Variants in SMIM21 observed in about 807,000 individuals in gnomAD.
The protein encoded by SMIM21 is chromosome 18 open reading frame 62.
A neutral mutation model predicts 8.6 loss-of-function variants in SMIM21; 8 were observed. The observed-to-expected ratio is 0.93, with a 90% confidence interval of 0.55 to 1.68. The LOEUF is 1.68. SMIM21 is among the 40% of genes most tolerant of loss of function. SMIM21 has a pLI of 0.00. For synonymous variants in SMIM21, 43 were observed against 41.7 expected (o/e 1.03, Z -0.12); for missense variants, 132 against 123.0 (o/e 1.07, Z -0.35).
intron 2 of SMIM21, among the ~76,000 whole-genome samples, chr18:75,413,118 G>A (rs990401066): frequency 5.3e-5 from 8 of 151,996 alleles, no homozygotes; most frequent in African/African-American, 1.2e-4. Flanking sequence ...ATGCTCCTGG[G>A]CCCCCCTACC....
chr18:75,416,574 ATCTTT>A (rs2024647631), intron 2 of SMIM21: 1 of 152,140 alleles, frequency 6.6e-6, no homozygotes, highest in Non-Finnish European at 1.5e-5. Flanking sequence ...ATGTTCCTCC[ATCTTT>A]TCTTCCAGTA....
intron 1 of SMIM21, among the ~76,000 whole-genome samples, chr18:75,420,798 A>T (rs1477684893): frequency 6.6e-6 from 1 of 152,160 alleles, no homozygotes; most frequent in African/African-American, 2.4e-5. Flanking sequence ...AAATATTGGG[A>T]GCTTTCCTGG....
In SMIM21 at chr18:75,418,894, C is replaced by T. The variant is rs375362339; in HGVS notation, c.152G>A (p.Arg51His). The change falls in exon 2 of 3, where the codon CGT becomes CAT. Residue 51 changes from arginine to histidine, a missense_variant. Transcript: ENST00000579022. ...GAAAAGAACCAACAATGTGAAGAAA[C>T]GAATATGGTGTTCATTTTCAAACTG... ...LTTFENEHHIRFFTLLVLFHV... is the reference protein window; with the variant it reads ...LTTFENEHHIHFFTLLVLFHV... 1.4e-5 allele frequency: 22 copies of T among 1,600,816 alleles called. No homozygotes were observed. The highest frequency in any genetic ancestry group is 3.3e-4 in the Middle Eastern group (2 of 6,060).
chr18:75,425,704 C>A (rs1237761465), intron 1 of SMIM21, among the ~76,000 whole-genome samples: 2 of 152,200 alleles, frequency 1.3e-5, no homozygotes, highest in East Asian at 3.8e-4. Flanking sequence ...GGGTAGGAAG[C>A]AGTGGATGAA....
intron 1 of SMIM21, among the ~76,000 whole-genome samples, chr18:75,420,707 G>A (rs1027202722): frequency 1.3e-5 from 2 of 152,264 alleles, no homozygotes; most frequent in African/African-American, 2.4e-5. Context: ...CTTGTCCTAC[G>A]TTTGAAGCCA....
At chr18:75,416,114 A>G (rs993646293) in intron 2 of SMIM21, 4 of 152,238 alleles carry the variant, frequency 2.6e-5, no homozygotes, top group African/African-American at 9.6e-5. Flanking sequence ...GATAATTCCA[A>G]ATTGCCCCCA....
chr18:75,410,404 G>T lies in SMIM21; in HGVS notation c.*460C>A. On this transcript the variant is annotated 3_prime_UTR_variant, in exon 3 of 3. Coordinates refer to ENST00000579022, the MANE Select transcript of SMIM21 (RefSeq NM_001037331.3). ...TCAGGATGACTTTGACAGGTTGTTA[G>T]CAACTATATGATATACAGAACATCA... 1 of 155,286 alleles carries T rather than the reference G, an allele frequency of 6.4e-6. No homozygotes were observed. Among genetic ancestry groups the T allele is most frequent in the Non-Finnish European group, 1.4e-5 (1 of 69,916 alleles). 9.6% of individuals were successfully genotyped at this position (155,286 alleles called of 1,614,324 possible).
chr18:75,424,273 G>A (rs1037915264), intron 1 of SMIM21, among the ~76,000 whole-genome samples: 6 of 152,128 alleles, frequency 3.9e-5, no homozygotes, highest in Admixed American at 2.6e-4. Context: ...GGGTGTCCAC[G>A]TCAGGACGAA....
chr18:75,426,610 T>C (rs928559832), intron 1 of SMIM21, among the ~76,000 whole-genome samples: 84 of 115,008 alleles, frequency 7.3e-4, no homozygotes, highest in African/African-American at 2.6e-3. Context: ...CACCCGGCCC[T>C]AGACCATTAC....
intron 1 of SMIM21, among the ~76,000 whole-genome samples, chr18:75,422,451 T>C (rs1056786804): frequency 2.0e-5 from 3 of 152,284 alleles, no homozygotes; most frequent in East Asian, 3.9e-4. Flanking sequence ...ACATAGCAGT[T>C]CTGGTCATAG....
intron 2 of SMIM21, among the ~76,000 whole-genome samples, chr18:75,415,349 G>A (rs1044927007): frequency 6.6e-6 from 1 of 152,218 alleles, no homozygotes; most frequent in Non-Finnish European, 1.5e-5. Flanking sequence ...ATGGGTGAGA[G>A]CTTGCAGAGC....
At chr18:75,426,917 A>G (rs2024770791) in intron 1 of SMIM21, among the ~76,000 whole-genome samples, 1 of 152,234 alleles carries the variant, frequency 6.6e-6, no homozygotes, top group Non-Finnish European at 1.5e-5. Context: ...TGGGGTGTCT[A>G]TAAATGCCAT....
intron 1 of SMIM21, among the ~76,000 whole-genome samples, chr18:75,425,017 G>A (rs1054906110): frequency 7.9e-5 from 12 of 152,226 alleles, no homozygotes; most frequent in African/African-American, 2.9e-4. Context: ...GTCTCATGGC[G>A]ATGGGCGAGT....
At position 75,427,489 on chromosome 18, in the gene SMIM21, T is replaced by G. The variant is rs766980347; in HGVS notation, c.75A>C (p.Ala25=). The G allele has an allele frequency of 6.2e-7, 1 of 1,614,138 alleles. No individual in the cohort carries two copies. Among genetic ancestry groups the G allele is most frequent in the African/African-American group, 1.3e-5 (1 of 75,048 alleles). The change falls in exon 1 of 3, where the codon GCA becomes GCC. Residue 25 remains alanine, a synonymous_variant. Transcript: ENST00000579022. The part of the protein sequence containing the change: ...AQLGTFKQDS[A]GMGRIFKGNL... ...TCCCCTTGAATATCCGTCCCATTCC[T>G]GCAGAGTCTTGTTTAAATGTTCCCA...
Position 75,418,924 on chromosome 18 carries a change from A to T in SMIM21, c.130-8T>A. 1 of 1,573,720 alleles carries T rather than the reference A, an allele frequency of 6.4e-7. No homozygotes were observed. The highest frequency in any genetic ancestry group is 8.7e-7 in the Non-Finnish European group (1 of 1,144,562). On this transcript the variant is annotated splice_region_variant and splice_polypyrimidine_tract_variant and intron_variant, in intron 1 of 2. Coordinates refer to ENST00000579022, the MANE Select transcript of SMIM21 (RefSeq NM_001037331.3). ...ATGGTGTTCATTTTCAAACTGAAAA[A>T]GGAAATAATTACAGTTACTATTTAC...
chr18:75,422,704 G>C (rs1325511302), intron 1 of SMIM21, among the ~76,000 whole-genome samples: 1 of 152,202 alleles, frequency 6.6e-6, no homozygotes, highest in African/African-American at 2.4e-5. Flanking sequence ...GTGAGAGCCA[G>C]TCACAAAAGA....
At chr18:75,424,799 G>A (rs1041902956) in intron 1 of SMIM21, among the ~76,000 whole-genome samples, 5 of 152,240 alleles carry the variant, frequency 3.3e-5, no homozygotes, top group African/African-American at 9.6e-5. Flanking sequence ...GTGACACTGT[G>A]TGTCTTCTCA....
chr18:75,416,038 T>A (rs932647175), intron 2 of SMIM21: 1 of 152,262 alleles, frequency 6.6e-6, no homozygotes, highest in Non-Finnish European at 1.5e-5. Flanking sequence ...TGTTTTTATT[T>A]TATTTTTTGT....
At position 75,427,660 on chromosome 18, in the gene SMIM21, A is replaced by G. The variant is rs1390660359; in HGVS notation, c.-97T>C. On this transcript the variant is annotated 5_prime_UTR_variant, in exon 1 of 3. Coordinates refer to ENST00000579022, the MANE Select transcript of SMIM21 (RefSeq NM_001037331.3). ...TATAAGACCTGGTAACTAAGTTCCC[A>G]AGGAGCTTTTCTCTTCTTTGCCAAC... is the stretch of plus-strand genomic sequence containing the variant. The G allele has an allele frequency of 7.5e-7, 1 of 1,338,368 alleles. No homozygotes were observed. The highest frequency in any genetic ancestry group is 9.8e-7 in the Non-Finnish European group (1 of 1,018,666). The allele number at this position is 1,338,368 out of a possible 1,614,324, so 82.9% of individuals were successfully genotyped here. A position where few individuals can be genotyped will look rare whatever the true frequency, so the allele number is the denominator to read the frequency against.
Sources: allele counts gnomAD v4.1 joint callset (sites outside exome capture counted in the v4.1 genomes callset), GRCh38; gene constraint gnomAD v4.1.1; transcripts MANE v1.5; gene names NCBI Gene and HGNC (gene_info 2026-07-23, HGNC 2026-07-21).